TRIM49D1: variants seen among roughly 807,000 people sequenced by gnomAD.
TRIM49D1 encodes tripartite motif containing 49D1.
chr11:89,920,976 A>G (rs2388211), intron 1 of TRIM49D1, among the ~76,000 whole-genome samples: 133,014 of 152,042 alleles, frequency 0.87, 58,446 homozygotes, highest in African/African-American at 0.95. Context: ...GTCTTCAAGT[A>G]ATCCTCTGGT....
chr11:89,921,380 C>G (rs1415928978), intron 1 of TRIM49D1, among the ~76,000 whole-genome samples: 1 of 151,940 alleles, frequency 6.6e-6, no homozygotes, highest in African/African-American at 2.4e-5. Context: ...CTTTCTATAA[C>G]AAATATTTTT....
rs1950338781 is a variant in TRIM49D1, at chr11:89,922,198, G to C, written c.-562C>G. On this transcript the variant is annotated 5_prime_UTR_variant, in exon 1 of 8. Coordinates refer to ENST00000420869, the MANE Select transcript of TRIM49D1 (RefSeq NM_001384911.1). The stretch of plus-strand genomic sequence containing the variant: ...GTGATGAATAAAGGCCTGGAGTATG[G>C]GGATGTAATGCTCAGGGGCCAGACA... Among the ~76,000 whole-genome samples the C allele has an allele frequency of 6.6e-6, 1 of 151,938 alleles. No homozygotes were observed. Among genetic ancestry groups the C allele is most frequent in the Non-Finnish European group, 1.5e-5 (1 of 68,024 alleles).
chr11:89,912,802 CA>C, intron 7 of TRIM49D1, among the ~76,000 whole-genome samples: 1 of 9,512 alleles, frequency 1.1e-4, no homozygotes, highest in Middle Eastern at 0.023. Flanking sequence ...TAAAAAACCC[CA>C]AGAATCTCCA....
chr11:89,921,749 G>C (rs529090849), intron 1 of TRIM49D1, 103 bp downstream of exon 1: 4 of 152,048 alleles, frequency 2.6e-5, no homozygotes, highest in Non-Finnish European at 5.9e-5. Flanking sequence ...AAAGTCATTA[G>C]GGGGCAACTG....
At position 89,920,336 on chromosome 11, in the gene TRIM49D1, G is replaced by C. The variant is rs1385055031; in HGVS notation, c.-42C>G. ...TGAAGGGTTCCCACAATGATTCTTC[G>C]AGAAATAATTCTGTTAAGTACTCCT... On this transcript the variant is annotated 5_prime_UTR_variant, in exon 2 of 8. Transcript: ENST00000420869. The C allele has an allele frequency of 7.2e-5, 17 of 237,144 alleles. No homozygotes were observed. Among genetic ancestry groups the C allele is most frequent in the Admixed American group, 1.8e-4 (2 of 10,944 alleles). 14.7% of individuals were successfully genotyped at this position (237,144 alleles called of 1,614,324 possible). A position where few individuals can be genotyped will look rare whatever the true frequency, so the allele number is the denominator to read the frequency against.
chr11:89,912,158 C>G (rs1950318776), intron 7 of TRIM49D1, 72 bp from the exon 8 acceptor site: 1 of 1,289,826 alleles, frequency 7.8e-7, no homozygotes, highest in Non-Finnish European at 1.0e-6. Flanking sequence ...AGAAAACATG[C>G]ATAGGCATGT....
chr11:89,921,609 T>A (rs1470296987), intron 1 of TRIM49D1: 1 of 151,958 alleles, frequency 6.6e-6, no homozygotes, highest in Non-Finnish European at 1.5e-5. Context: ...ACATATGAAT[T>A]AAGTGCAAGG....
intron 1 of TRIM49D1, 69 bp downstream of exon 1, chr11:89,921,783 T>A (rs889474580): frequency 6.6e-6 from 1 of 152,060 alleles, no homozygotes; most frequent in Admixed American, 6.5e-5. Context: ...CCATTCGCTA[T>A]TTTAAATGTT....
Sources: gnomAD v4.1 joint callset for allele counts (sites outside exome capture counted in the v4.1 genomes callset) on GRCh38, gnomAD v4.1.1 for gene constraint, MANE v1.5 for transcripts, NCBI Gene and HGNC (gene_info 2026-07-23, HGNC 2026-07-21) for gene names.